Variants in STRN observed in about 807,000 individuals in gnomAD.
STRN encodes protein phosphatase 2 regulatory subunit B'''alpha.
In STRN, 53 loss-of-function variants were observed where a neutral mutation model predicts 96.3. That is an observed-to-expected ratio of 0.55 (90% CI 0.44 to 0.69). STRN has a LOEUF of 0.69. Ranked by LOEUF, STRN falls within the 30% of genes least tolerant of loss-of-function variation. STRN has a pLI of 0.00. For synonymous variants in STRN, 428 were observed against 355.9 expected (o/e 1.20, Z -2.28); for missense variants, 987 against 963.9 (o/e 1.02, Z -0.32).
At chr2:36,944,629 T>C (rs571632805) in intron 1 of STRN, among the ~76,000 whole-genome samples, 10 of 152,168 alleles carry the variant, frequency 6.6e-5, no homozygotes, top group South Asian at 6.2e-4. Context: ...ACCTGAAAAA[T>C]TGCCAAAAAT....
intron 15 of STRN, among the ~76,000 whole-genome samples, chr2:36,853,488 T>C (rs1035324736): frequency 6.6e-6 from 1 of 152,216 alleles, no homozygotes; most frequent in Non-Finnish European, 1.5e-5. Context: ...AAAGTTCTTA[T>C]TTGGTAACAC....
At chr2:36,924,818 A>G (rs1438505587) in intron 2 of STRN, among the ~76,000 whole-genome samples, 2 of 152,194 alleles carry the variant, frequency 1.3e-5, no homozygotes, top group Admixed American at 1.3e-4. Flanking sequence ...GCACTTTAGG[A>G]GGCCGAGGTG....
chr2:36,868,872 CTTTTTTT>C (rs201441254), intron 11 of STRN, among the ~76,000 whole-genome samples: 25 of 131,956 alleles, frequency 1.9e-4, no homozygotes, highest in African/African-American at 6.1e-4. Context: ...GATGCTGGTT[CTTTTTTT>C]TTTTTTTTTT....
At chr2:36,878,513 C>T (rs965289934) in intron 9 of STRN, among the ~76,000 whole-genome samples, 5 of 151,848 alleles carry the variant, frequency 3.3e-5, no homozygotes, top group African/African-American at 9.7e-5. Context: ...CTATATGTGG[C>T]GTTATAAGTC....
At chr2:36,949,447 G>T (rs1054290996) in intron 1 of STRN, among the ~76,000 whole-genome samples, 16 of 152,144 alleles carry the variant, frequency 1.1e-4, no homozygotes, top group African/African-American at 3.9e-4. Context: ...ATTTTTAGAA[G>T]CCTGGGAGGC....
At chr2:36,925,578 AC>A (rs1451301778) in intron 1 of STRN, among the ~76,000 whole-genome samples, 1 of 152,054 alleles carries the variant, frequency 6.6e-6, no homozygotes, top group Admixed American at 6.6e-5. Context: ...AGAGTTCAAG[AC>A]CAGCCTGGCC....
intron 9 of STRN, among the ~76,000 whole-genome samples, chr2:36,881,327 C>T (rs1669063875): frequency 6.6e-6 from 1 of 152,050 alleles, no homozygotes; most frequent in South Asian, 2.1e-4. Context: ...AGGGTTTTGC[C>T]ATGTTGGCCA....
Position 36,925,206 on chromosome 2 carries a change from G to C in STRN, c.237C>G (p.Ala79=). The change falls in exon 2 of 18, where the codon GCC becomes GCG. Residue 79 remains alanine (A), a splice_region_variant and synonymous_variant. Transcript: ENST00000263918. The part of the protein sequence containing the change: ...QWEVERAELQ[A]QIAFLQGERK... ...TTTCTCCCTGCAGGAAGGCAATCTGGGCCTGAGTAGGGGAAAGACAGAAAA... is the reference window on the plus strand; with the variant it reads ...TTTCTCCCTGCAGGAAGGCAATCTGCGCCTGAGTAGGGGAAAGACAGAAAA... 2 of 1,613,148 alleles carry C rather than the reference G, an allele frequency of 1.2e-6. No individual in the cohort carries two copies. Among genetic ancestry groups the C allele is most frequent in the Non-Finnish European group, 1.7e-6 (2 of 1,179,306 alleles).
chr2:36,853,055 G>A (rs1668259262), intron 15 of STRN, among the ~76,000 whole-genome samples: 2 of 152,182 alleles, frequency 1.3e-5, no homozygotes, highest in South Asian at 2.1e-4. Flanking sequence ...TACTTGGGAG[G>A]CTGAGGCAGG....
chr2:36,897,290 C>A (rs905647528), intron 6 of STRN, among the ~76,000 whole-genome samples: 6 of 152,186 alleles, frequency 3.9e-5, no homozygotes, highest in South Asian at 2.1e-4. Flanking sequence ...CACTGCTACA[C>A]AGAATTAGGT....
intron 7 of STRN, among the ~76,000 whole-genome samples, chr2:36,888,803 T>C (rs1669311436): frequency 6.6e-6 from 1 of 152,018 alleles, no homozygotes; most frequent in South Asian, 2.1e-4. Context: ...ACCTCTGCCC[T>C]GCAAGTAGCT....
chr2:36,919,134 T>C (rs1300442692), intron 2 of STRN, among the ~76,000 whole-genome samples: 1 of 152,202 alleles, frequency 6.6e-6, no homozygotes, highest in Non-Finnish European at 1.5e-5. Context: ...TTAATTTCAA[T>C]GAACTATTAC....
chr2:36,896,639 G>C (rs1442510116), intron 6 of STRN, among the ~76,000 whole-genome samples: 2 of 152,138 alleles, frequency 1.3e-5, no homozygotes, highest in Admixed American at 6.6e-5. Context: ...AAAACCATTA[G>C]GAGGGCCATG....
At chr2:36,951,278 G>A (rs1664747050) in intron 1 of STRN, among the ~76,000 whole-genome samples, 1 of 152,214 alleles carries the variant, frequency 6.6e-6, no homozygotes, top group Admixed American at 6.5e-5. Flanking sequence ...AAACCCAAGT[G>A]CAATTTGCTA....
chr2:36,915,314 A>C (rs1460381310), intron 3 of STRN, among the ~76,000 whole-genome samples: 1 of 142,430 alleles, frequency 7.0e-6, no homozygotes, highest in Non-Finnish European at 1.5e-5. Context: ...AAATGATATA[A>C]ATGAACATTA....
chr2:36,920,028 C>A (rs1670209493), intron 2 of STRN, among the ~76,000 whole-genome samples: 1 of 152,192 alleles, frequency 6.6e-6, no homozygotes, highest in Admixed American at 6.5e-5. Context: ...CTGCAAAAAT[C>A]ATGCAAAGAA....
Position 36,849,583 on chromosome 2 carries a change from G to A in STRN, c.2216C>T (p.Thr739Met), listed in dbSNP as rs200050983. The change falls in exon 18 of 18, where the codon ACG becomes ATG. Residue 739 changes from threonine (T) to methionine (M), a missense_variant. Coordinates refer to ENST00000263918, the MANE Select transcript of STRN (RefSeq NM_003162.4). ...SIRLWNLESK[T>M]CIQEFTAHRK... Reference sequence around the variant, plus strand: ...ATGAGCTGTGAATTCTTGGATACACGTCTTACTTTCTAGATTCCATAAACG... The same window carrying A: ...ATGAGCTGTGAATTCTTGGATACACATCTTACTTTCTAGATTCCATAAACG... 2.7e-5 allele frequency: 43 copies of A among 1,613,838 alleles called. No homozygotes were observed. The highest frequency in any genetic ancestry group is 3.5e-5 in the Non-Finnish European group (41 of 1,179,978).
intron 9 of STRN, among the ~76,000 whole-genome samples, chr2:36,881,675 CCTCA>C (rs1217192222): frequency 6.6e-6 from 1 of 152,120 alleles, no homozygotes; most frequent in East Asian, 1.9e-4. Context: ...TTTTAAAGTT[CCTCA>C]CTATGTTTTT....
chr2:36,929,415 G>A lies in STRN; in HGVS notation c.235-4207C>T, dbSNP rs57273974. On this transcript the variant is annotated intron_variant, in intron 1 of 17. Coordinates refer to ENST00000263918, the MANE Select transcript of STRN (RefSeq NM_003162.4). Reference sequence around the variant, plus strand: ...TTTTTTTCTTTTGAGACGGAGTCTCGCTCTGTCGCCCAGGCTGGAGTGCAG... The same window carrying A: ...TTTTTTTCTTTTGAGACGGAGTCTCACTCTGTCGCCCAGGCTGGAGTGCAG... 3.4e-5 allele frequency among the ~76,000 whole-genome samples: 5 copies of A among 148,510 alleles called. No homozygotes were observed. In the East Asian group the frequency reaches 5.9e-4, roughly 18 times the overall value.
Sources: gnomAD v4.1 joint callset for allele counts (sites outside exome capture counted in the v4.1 genomes callset) on GRCh38, gnomAD v4.1.1 for gene constraint, MANE v1.5 for transcripts, NCBI Gene and HGNC (gene_info 2026-07-23, HGNC 2026-07-21) for gene names.